GINS1: variants seen among roughly 807,000 people sequenced by gnomAD.
The protein encoded by GINS1 is GINS complex subunit 1.
A neutral mutation model predicts 34.9 loss-of-function variants in GINS1; 26 were observed. The ratio of observed to expected loss-of-function variants is 0.74; its 90% CI spans 0.55 to 1.03. GINS1 has a LOEUF of 1.03. Among genes scored for constraint, GINS1 ranks in the 50% least tolerant of loss-of-function variants. GINS1 has a pLI of 0.00. For missense variants in GINS1, 235 were observed against 237.9 expected, an observed-to-expected ratio of 0.99 and a Z score of 0.08; for synonymous variants, 97 against 84.4, an observed-to-expected ratio of 1.15 and a Z score of -0.82.
At chr20:25,427,670 T>C (rs2090399345) in intron 5 of GINS1, among the ~76,000 whole-genome samples, 5 of 152,200 alleles carry the variant, frequency 3.3e-5, no homozygotes. Flanking sequence ...AATAGGGTTT[T>C]GTTGTTGTGG....
intron 5 of GINS1, among the ~76,000 whole-genome samples, chr20:25,425,570 CAA>C (rs1274984564): frequency 6.6e-6 from 1 of 151,936 alleles, no homozygotes; most frequent in African/African-American, 2.4e-5. Flanking sequence ...ATTACTAAAA[CAA>C]AGTTAAATCA....
intron 1 of GINS1, among the ~76,000 whole-genome samples, chr20:25,411,972 C>G (rs2090288342): frequency 6.6e-6 from 1 of 151,594 alleles, no homozygotes; most frequent in Non-Finnish European, 1.5e-5. Context: ...CTGGGCATTG[C>G]TGGTGCACAC....
intron 5 of GINS1, among the ~76,000 whole-genome samples, chr20:25,433,736 T>C (rs1298808967): frequency 6.6e-6 from 1 of 152,182 alleles, no homozygotes; most frequent in Non-Finnish European, 1.5e-5. Flanking sequence ...TTACAGCAGC[T>C]TGACTTCAGT....
At chr20:25,430,372 GATC>G (rs1339874166) in intron 5 of GINS1, among the ~76,000 whole-genome samples, 4 of 152,170 alleles carry the variant, frequency 2.6e-5, no homozygotes, top group African/African-American at 9.7e-5. Flanking sequence ...CAATTGAAAT[GATC>G]ATGTTTTTTT....
chr20:25,426,490 G>A (rs1348215270), intron 5 of GINS1, among the ~76,000 whole-genome samples: 1 of 151,958 alleles, frequency 6.6e-6, no homozygotes, highest in Non-Finnish European at 1.5e-5. Context: ...GGGAGAAGGA[G>A]GTTGCGGTGA....
At chr20:25,407,965 C>G in intron 1 of GINS1, 70 bp downstream of exon 1, 1 of 1,165,342 alleles carries the variant, frequency 8.6e-7, no homozygotes, top group Non-Finnish European at 1.3e-6. Flanking sequence ...GGGCGGCTCC[C>G]CGTCAGGGTT....
intron 3 of GINS1, 116 bp downstream of exon 3, chr20:25,417,318 A>T (rs777328556): frequency 3.5e-5 from 22 of 634,496 alleles, no homozygotes; most frequent in Non-Finnish European, 5.3e-5. Context: ...AGCATTCTAA[A>T]TTTTTCCTCT....
At chr20:25,442,618 T>A (rs1296400111) in intron 6 of GINS1, among the ~76,000 whole-genome samples, 15 of 150,926 alleles carry the variant, frequency 9.9e-5, no homozygotes, top group Non-Finnish European at 1.5e-4. Flanking sequence ...TTATTTTTTT[T>A]TTTTTTTGAG....
chr20:25,436,825 T>A (rs1320046033), intron 5 of GINS1, among the ~76,000 whole-genome samples: 1 of 152,212 alleles, frequency 6.6e-6, no homozygotes, highest in Non-Finnish European at 1.5e-5. Context: ...TTTTTCTTTT[T>A]CCTTTGAATG....
chr20:25,432,459 C>T (rs944779753), intron 5 of GINS1, among the ~76,000 whole-genome samples: 4 of 151,916 alleles, frequency 2.6e-5, no homozygotes, highest in East Asian at 1.9e-4. Context: ...TGCACCACCA[C>T]GCCCGGCTAA....
At chr20:25,429,919 C>T (rs894263494) in intron 5 of GINS1, among the ~76,000 whole-genome samples, 15 of 152,102 alleles carry the variant, frequency 9.9e-5, no homozygotes, top group Non-Finnish European at 4.4e-5. Context: ...TTCAGTCTTT[C>T]TTTTTCTTTT....
chr20:25,427,233 C>T (rs569713872), intron 5 of GINS1, among the ~76,000 whole-genome samples: 6 of 152,234 alleles, frequency 3.9e-5, no homozygotes, highest in South Asian at 2.1e-4. Flanking sequence ...GGCGCGATCT[C>T]GGCTCAACCT....
chr20:25,425,070 G>A (rs991464829), intron 4 of GINS1, 141 bp from the exon 5 acceptor site: 5 of 534,064 alleles, frequency 9.4e-6, no homozygotes, highest in Admixed American at 3.3e-5. Flanking sequence ...TATCATAGGA[G>A]GCAATTAATA....
Position 25,447,861 on chromosome 20 carries a change from T to C in GINS1, c.*1870T>C, listed in dbSNP as rs1170870397. On this transcript the variant is annotated 3_prime_UTR_variant, in exon 7 of 7. Transcript: ENST00000262460. ...AAATTTGGGAACAGGCAGGGTGTGG[T>C]GGCTTATGCCTGTAATCCTAGAACT... 6.6e-6 allele frequency: 1 copy of C among 152,282 alleles called. No individual in the cohort carries two copies. Among genetic ancestry groups the C allele is most frequent in the Non-Finnish European group, 1.5e-5 (1 of 68,092 alleles). The allele number at this position is 152,282 out of a possible 1,614,324, so 9.4% of individuals were successfully genotyped here.
chr20:25,415,905 C>G (rs901247870), intron 2 of GINS1, among the ~76,000 whole-genome samples: 2 of 152,030 alleles, frequency 1.3e-5, no homozygotes, highest in African/African-American at 4.8e-5. Flanking sequence ...GCAGGAGATG[C>G]AAGTCTTAGG....
intron 5 of GINS1, among the ~76,000 whole-genome samples, chr20:25,436,684 T>C (rs1466887777): frequency 3.9e-5 from 6 of 152,204 alleles, no homozygotes; most frequent in African/African-American, 1.4e-4. Flanking sequence ...ACTATTTCCA[T>C]TTTGTTCATA....
In GINS1 at chr20:25,425,278, G is replaced by T; in HGVS notation, c.398G>T (p.Gly133Val). ...ATGAGGTCACTGGGAGGAGATGAAG[G>T]TTTGGACATTACACAGGATATGAAA... is the stretch of plus-strand genomic sequence containing the variant. The part of the protein sequence containing the change: ...TYMRSLGGDE[G>V]LDITQDMKPP... Residue 133 changes from glycine (G) to valine (V), a missense_variant, in exon 5 of 7, where the codon GGT becomes GTT. By Grantham distance (109) the Gly-to-Val change is moderately radical. Transcript: ENST00000262460. The T allele has an allele frequency of 6.4e-7, 1 of 1,572,260 alleles. No homozygotes were observed. Among genetic ancestry groups the T allele is most frequent in the Admixed American group, 1.7e-5 (1 of 59,914 alleles).
intron 5 of GINS1, among the ~76,000 whole-genome samples, chr20:25,438,357 G>A (rs926128970): frequency 2.6e-5 from 4 of 152,006 alleles, no homozygotes; most frequent in South Asian, 2.1e-4. Flanking sequence ...AGGACTAAGC[G>A]GGGACTACTG....
At chr20:25,421,778 A>C (rs543575608) in intron 4 of GINS1, among the ~76,000 whole-genome samples, 1 of 152,262 alleles carries the variant, frequency 6.6e-6, no homozygotes, top group South Asian at 2.1e-4. Flanking sequence ...ATGAGACTGA[A>C]TGAGGGTAAC....
Sources: allele counts gnomAD v4.1 joint callset (sites outside exome capture counted in the v4.1 genomes callset), GRCh38; gene constraint gnomAD v4.1.1; transcripts MANE v1.5; gene names NCBI Gene and HGNC (gene_info 2026-07-23, HGNC 2026-07-21).